DRC8: variants seen among roughly 807,000 people sequenced by gnomAD.
DRC8 encodes the protein dynein regulatory complex protein 8.
the DRC8 span, chr1:244,970,217 C>A: frequency 1.3e-6 from 1 of 758,672 alleles, no homozygotes; most frequent in Non-Finnish European, 2.3e-6. Flanking sequence ...CTTCCCCCAG[C>A]GCGAGGGTCG....
At chr1:245,075,979 C>T in the DRC8 span, among the ~76,000 whole-genome samples, 1 of 152,186 alleles carries the variant, frequency 6.6e-6, no homozygotes, top group African/African-American at 2.4e-5. Flanking sequence ...ATAGCCTGCC[C>T]TCTAGACATG....
chr1:245,014,192 A>G, the DRC8 span, among the ~76,000 whole-genome samples: 2 of 152,184 alleles, frequency 1.3e-5, no homozygotes, highest in Non-Finnish European at 2.9e-5. Flanking sequence ...AGCTGTTTTC[A>G]TTTTAGAAAA....
the DRC8 span, among the ~76,000 whole-genome samples, chr1:245,085,095 T>G: frequency 6.6e-6 from 1 of 152,222 alleles, no homozygotes; most frequent in Non-Finnish European, 1.5e-5. Context: ...TGTTTAATAT[T>G]TAGTAAGTGT....
the DRC8 span, among the ~76,000 whole-genome samples, chr1:245,093,031 T>G: frequency 2.0e-5 from 3 of 152,104 alleles, no homozygotes; most frequent in African/African-American, 7.2e-5. Context: ...CAAATAATTA[T>G]TTACAGAAAG....
At chr1:245,089,119 G>T in the DRC8 span, among the ~76,000 whole-genome samples, 12 of 152,148 alleles carry the variant, frequency 7.9e-5, no homozygotes, top group African/African-American at 2.9e-4. This position sits in a 1 kb window ranked among gnomAD's most constrained non-coding sequence, Gnocchi z 4.8. Flanking sequence ...GATAGACTGG[G>T]AAAAGTCAAG....
At chr1:245,064,602 C>T in the DRC8 span, among the ~76,000 whole-genome samples, 3 of 149,334 alleles carry the variant, frequency 2.0e-5, no homozygotes, top group East Asian at 4.0e-4. Flanking sequence ...GGAAAGAGTG[C>T]CTTGGGGGTA....
chr1:244,999,803 T>C, the DRC8 span, among the ~76,000 whole-genome samples: 1 of 152,158 alleles, frequency 6.6e-6, no homozygotes, highest in Non-Finnish European at 1.5e-5. Flanking sequence ...ATAAAGTTTT[T>C]TTGTTTTTTT....
At chr1:245,051,364 G>A in the DRC8 span, among the ~76,000 whole-genome samples, 230 of 152,188 alleles carry the variant, frequency 1.5e-3, 1 homozygote, top group South Asian at 5.4e-3. Context: ...TCTCCAGCCT[G>A]GGTAACAGAG....
chr1:245,039,840 A>G, the DRC8 span, among the ~76,000 whole-genome samples: 5 of 152,188 alleles, frequency 3.3e-5, no homozygotes, highest in South Asian at 2.1e-4. Context: ...ACTACACACA[A>G]GTGAGTTTGT....
chr1:245,010,184 C>T, the DRC8 span, among the ~76,000 whole-genome samples: 3 of 152,104 alleles, frequency 2.0e-5, no homozygotes, highest in African/African-American at 4.8e-5. Flanking sequence ...TGTTTAGGGC[C>T]GCACAACAAG....
the DRC8 span, chr1:245,030,896 C>T: frequency 6.6e-6 from 1 of 152,224 alleles, no homozygotes; most frequent in Non-Finnish European, 1.5e-5. Context: ...TTGAGCAGAG[C>T]TCAACTGCAT....
the DRC8 span, among the ~76,000 whole-genome samples, chr1:244,981,946 C>G: frequency 1.3e-5 from 2 of 152,152 alleles, no homozygotes; most frequent in Non-Finnish European, 2.9e-5. Context: ...AGGTCACAGC[C>G]CATTGACACA....
the DRC8 span, chr1:245,091,832 T>C: frequency 6.6e-6 from 1 of 152,262 alleles, no homozygotes; most frequent in Non-Finnish European, 1.5e-5. Context: ...AATGTGTATT[T>C]TGCCTCTTCA....
the DRC8 span, among the ~76,000 whole-genome samples, chr1:244,983,529 C>G: frequency 6.6e-6 from 1 of 152,022 alleles, no homozygotes; most frequent in Non-Finnish European, 1.5e-5. Flanking sequence ...CACTTGAGGT[C>G]AGGAGTTTGA....
the DRC8 span, among the ~76,000 whole-genome samples, chr1:245,007,752 T>G: frequency 7.4e-6 from 1 of 135,342 alleles, no homozygotes; most frequent in Non-Finnish European, 1.6e-5. Flanking sequence ...TCTCTATTGC[T>G]AACCTTCCCC....
At chr1:245,077,531 A>G in the DRC8 span, among the ~76,000 whole-genome samples, 1 of 152,218 alleles carries the variant, frequency 6.6e-6, no homozygotes, top group Non-Finnish European at 1.5e-5. Flanking sequence ...ACAGTCATAT[A>G]GACTATTGGA....
chr1:245,083,776 T>C, the DRC8 span: 2 of 1,490,482 alleles, frequency 1.3e-6, no homozygotes, highest in African/African-American at 2.8e-5. Context: ...GGGGATACTT[T>C]AAAATCAGTC....
chr1:245,098,271 G>T, the DRC8 span, among the ~76,000 whole-genome samples: 1 of 152,160 alleles, frequency 6.6e-6, no homozygotes, highest in African/African-American at 2.4e-5. Flanking sequence ...AAGCCAACCA[G>T]ACATCCAGGC....
the DRC8 span, among the ~76,000 whole-genome samples, chr1:245,054,654 G>A: frequency 1.1e-4 from 17 of 151,994 alleles, no homozygotes; most frequent in South Asian, 2.1e-4. Context: ...CTTGAATGTG[G>A]GTACTCCTCA....
Sources: gnomAD v4.1 joint callset for allele counts (sites outside exome capture counted in the v4.1 genomes callset) on GRCh38, gnomAD v4.1.1 for gene constraint, Gnocchi (gnomAD v3.1) non-coding constraint, MANE v1.5 for transcripts, NCBI Gene and HGNC (gene_info 2026-07-23, HGNC 2026-07-21) for gene names.